Variants in CARD10 observed in about 807,000 individuals in gnomAD.
CARD10 encodes caspase recruitment domain family member 10.
In CARD10, 49 loss-of-function variants were observed where a neutral mutation model predicts 114.6. That is an observed-to-expected ratio of 0.43 (90% CI 0.34 to 0.54). The LOEUF (loss-of-function observed/expected upper bound fraction) is 0.54, where lower values mean the gene tolerates loss of function less well. Ranked by LOEUF, CARD10 falls within the 20% of genes least tolerant of loss-of-function variation. CARD10 has a pLI of 0.03. For synonymous variants in CARD10, 602 were observed against 593.2 expected (o/e 1.01, Z -0.21); for missense variants, 1,206 against 1,397.2 (o/e 0.86, Z 2.18).
At chr22:37,494,274 G>A (rs529096610) in intron 15 of CARD10, 86 bp from the exon 16 acceptor site, 24 of 873,372 alleles carry the variant, frequency 2.7e-5, no homozygotes, top group South Asian at 9.8e-5. Context: ...CTGGCACAGC[G>A]GGCCCCACTG....
rs1251632771 is a variant in CARD10 at position 37,496,764 on chromosome 22, C to G, written c.1948-204G>C. The G allele has an allele frequency of 3.2e-6, 2 of 630,240 alleles. No homozygotes were observed. The highest frequency in any genetic ancestry group is 5.6e-5 in the East Asian group (2 of 35,684). The allele number at this position is 630,240 out of a possible 1,614,324, so 39.0% of individuals were successfully genotyped here. A position where few individuals can be genotyped will look rare whatever the true frequency, so the allele number is the denominator to read the frequency against. On this transcript the variant is annotated intron_variant, in intron 12 of 19. Coordinates refer to ENST00000251973, the MANE Select transcript of CARD10 (RefSeq NM_014550.4). This position sits in a 1 kb window ranked among gnomAD's most constrained non-coding sequence, Gnocchi z 4.1. The stretch of plus-strand genomic sequence containing the variant: ...CCACAGGACTCCCCAACCCGCCCAG[C>G]TCATCCAGGTCTTTCTCGACTTGAA...
chr22:37,513,577 A>C (rs1923735141), intron 3 of CARD10, among the ~76,000 whole-genome samples: 1 of 151,162 alleles, frequency 6.6e-6, no homozygotes, highest in Admixed American at 6.6e-5. Context: ...ATCGCATCAC[A>C]CCCAACCCAA....
rs368566607 is a variant in CARD10 at position 37,492,821 on chromosome 22, G to A, written c.2477-19C>T. On this transcript the variant is annotated intron_variant, in intron 16 of 19. Coordinates refer to ENST00000251973, the MANE Select transcript of CARD10 (RefSeq NM_014550.4). This position sits in a 1 kb window ranked among gnomAD's most constrained non-coding sequence, Gnocchi z 5.7. ...TCCGGCTCTGTGGCAGGGGAGGGGC[G>A]CAAAAGAGATAAGGGCACAGGCAGG... is the stretch of plus-strand genomic sequence containing the variant. 1.0e-4 allele frequency: 160 copies of A among 1,605,000 alleles called. No individual in the cohort carries two copies. Among genetic ancestry groups the A allele is most frequent in the Non-Finnish European group, 1.2e-4 (139 of 1,178,130 alleles).
chr22:37,506,258 G>C lies in CARD10; in HGVS notation c.1317C>G (p.Ser439Arg). Residue 439 changes from serine (S) to arginine (R), a missense_variant, in exon 7 of 20, where the codon AGC (serine) becomes AGG (arginine). Physicochemically the swap from Ser to Arg is moderately radical, Grantham distance 110. Around this residue, in one of 2 missense-constraint regions of CARD10, gnomAD observed 1,068 missense variants for 1,179.1 expected, o/e 0.91. Transcript: ENST00000251973. ...ERDELLTTLT[S>R]LEGTKALLEV... ...CCAGCAGAGCCTTGGTGCCCTCCAG[G>C]CTGGTGAGCGTTGTCAGCAGCTCAT... 6.2e-7 allele frequency: 1 copy of C among 1,609,246 alleles called. No individual in the cohort carries two copies.
chr22:37,496,962 T>A lies in CARD10; in HGVS notation c.1947+57A>T, dbSNP rs1053264719. 6.6e-7 allele frequency: 1 copy of A among 1,519,328 alleles called. No individual in the cohort carries two copies. The highest frequency in any genetic ancestry group is 1.4e-5 in the African/African-American group (1 of 71,954). 94.1% of individuals were successfully genotyped at this position (1,519,328 alleles called of 1,614,324 possible). ...TCTTGATCCACCAAATTAAGGGATG[T>A]CCAGCCTGGGCAAAAGCACTGACCC... On this transcript the variant is annotated intron_variant, in intron 12 of 19. Coordinates refer to ENST00000251973, the MANE Select transcript of CARD10 (RefSeq NM_014550.4). The surrounding 1 kb of genome is among the most constrained non-coding windows in gnomAD (Gnocchi z 4.1).
At chr22:37,502,157 G>A (rs1261703082) in intron 11 of CARD10, among the ~76,000 whole-genome samples, 12 of 152,216 alleles carry the variant, frequency 7.9e-5, no homozygotes, top group African/African-American at 2.2e-4. Flanking sequence ...GGGCTCCTGA[G>A]GTGACCCAAG....
intron 3 of CARD10, among the ~76,000 whole-genome samples, chr22:37,515,626 C>T (rs1027303884): frequency 1.3e-5 from 2 of 151,846 alleles, no homozygotes; most frequent in Non-Finnish European, 2.9e-5. Context: ...TTGGCCCCGG[C>T]CCTACCGATG....
rs1334002130 is a variant in CARD10, at chr22:37,507,900, A to G, written c.1120T>C (p.Cys374Arg). The change falls in exon 6 of 20, where the codon TGT becomes CGT. Residue 374 changes from cysteine (C) to arginine (R), a missense_variant. Coordinates refer to ENST00000251973, the MANE Select transcript of CARD10 (RefSeq NM_014550.4). Reference sequence around the variant, plus strand: ...GCCATGCGGTGCTTGTACAGGTCACAGTCCTTCTGCAGCGTGCGGTGCTTG... The same window carrying G: ...GCCATGCGGTGCTTGTACAGGTCACGGTCCTTCTGCAGCGTGCGGTGCTTG... ...RLKHRTLQKD[C>R]DLYKHRMATV... The G allele has an allele frequency of 3.1e-6, 5 of 1,614,144 alleles. No homozygotes were observed. The highest frequency in any genetic ancestry group is 4.2e-6 in the Non-Finnish European group (5 of 1,179,978).
chr22:37,510,453 G>C, intron 3 of CARD10, 32 bp from the exon 4 acceptor site: 3 of 1,600,062 alleles, frequency 1.9e-6, no homozygotes, highest in Non-Finnish European at 2.6e-6. Flanking sequence ...AGCCCAGAGG[G>C]AGACACACTG....
rs113749691 is a variant in CARD10 at position 37,517,894 on chromosome 22, G to A, written c.373+77C>T. On this transcript the variant is annotated intron_variant, in intron 2 of 19. Coordinates refer to ENST00000251973, the MANE Select transcript of CARD10 (RefSeq NM_014550.4). ...ACTGTTCAACAGGCATAGTGGGAGC[G>A]CCTCCCTAACAGGGATGGGGAAAGG... 8.8e-5 allele frequency: 134 copies of A among 1,529,612 alleles called. No homozygotes were observed. In the African/African-American group the frequency reaches 1.3e-3, roughly 14 times the overall value. 94.8% of individuals were successfully genotyped at this position (1,529,612 alleles called of 1,614,324 possible). A position where few individuals can be genotyped will look rare whatever the true frequency, so the allele number is the denominator to read the frequency against.
In CARD10 at chr22:37,508,672, C is replaced by T. The variant is rs368309693; in HGVS notation, c.920G>A (p.Arg307Gln). The change falls in exon 5 of 20, where the codon CGG (arginine) becomes CAG (glutamine). Residue 307 changes from arginine to glutamine, a missense_variant. Physicochemically the swap from Arg to Gln is conservative, Grantham distance 43. Transcript: ENST00000251973. ...LQEGLQQEAS[R>Q]PGAPGSERIL... is the part of the protein sequence containing the mutation. ...GCGCTCGGAGCCCGGGGCCCCCGGCCGGCTCGCCTCCTGGGGATCACAGGG... is the reference window on the plus strand; with the variant it reads ...GCGCTCGGAGCCCGGGGCCCCCGGCTGGCTCGCCTCCTGGGGATCACAGGG... 72 of 1,563,640 alleles carry T rather than the reference C, an allele frequency of 4.6e-5. No homozygotes were observed. The highest frequency in any genetic ancestry group is 3.5e-4 in the East Asian group (15 of 42,562).
intron 15 of CARD10, among the ~76,000 whole-genome samples, chr22:37,494,813 G>A (rs1431565650): frequency 1.3e-5 from 2 of 152,224 alleles, no homozygotes; most frequent in Non-Finnish European, 2.9e-5. Flanking sequence ...TGGCAGAGCT[G>A]GGGTCGAATG....
In CARD10 at chr22:37,496,425, C is replaced by T. The variant is rs1189303815; in HGVS notation, c.2059+24G>A. 1 of 1,565,904 alleles carries T rather than the reference C, an allele frequency of 6.4e-7. No individual in the cohort carries two copies. The highest frequency in any genetic ancestry group is 1.4e-5 in the African/African-American group (1 of 73,780). The stretch of plus-strand genomic sequence containing the variant: ...TAGAGGACCCCTCTGGGGCCAACAG[C>T]TCCGACTCCCAAGCCAGACTTACCC... On this transcript the variant is annotated intron_variant, in intron 13 of 19. Coordinates refer to ENST00000251973, the MANE Select transcript of CARD10 (RefSeq NM_014550.4). The surrounding 1 kb of genome is among the most constrained non-coding windows in gnomAD (Gnocchi z 4.1).
At chr22:37,508,059 G>C in intron 5 of CARD10, 105 bp from the exon 6 acceptor site, 1 of 1,401,236 alleles carries the variant, frequency 7.1e-7, no homozygotes, top group Non-Finnish European at 9.9e-7. Flanking sequence ...CCAACAGTCT[G>C]AGACCCAATA....
chr22:37,496,309 T>C lies in CARD10; in HGVS notation c.2059+140A>G. ...GCACAAGGACAGACAGAAGGAGGCA[T>C]CAGCAGGCGGGGAGCCAGGAGAAGG... On this transcript the variant is annotated intron_variant, in intron 13 of 19. Coordinates refer to ENST00000251973, the MANE Select transcript of CARD10 (RefSeq NM_014550.4). This position sits in a 1 kb window ranked among gnomAD's most constrained non-coding sequence, Gnocchi z 4.1. 1 of 648,042 alleles carries C rather than the reference T, an allele frequency of 1.5e-6. No individual in the cohort carries two copies. The allele number at this position is 648,042 out of a possible 1,614,324, so 40.1% of individuals were successfully genotyped here. A position where few individuals can be genotyped will look rare whatever the true frequency, so the allele number is the denominator to read the frequency against.
At position 37,496,445 on chromosome 22, in the gene CARD10, T is replaced by A; in HGVS notation, c.2059+4A>T. The A allele has an allele frequency of 6.2e-7, 1 of 1,603,328 alleles. No individual in the cohort carries two copies. The highest frequency in any genetic ancestry group is 8.5e-7 in the Non-Finnish European group (1 of 1,170,982). ...AACAGCTCCGACTCCCAAGCCAGACTTACCCTTCGAGTCCATCAGGGAGGG... is the reference window on the plus strand; with the variant it reads ...AACAGCTCCGACTCCCAAGCCAGACATACCCTTCGAGTCCATCAGGGAGGG... On this transcript the variant is annotated splice_donor_region_variant and intron_variant, in intron 13 of 19. Coordinates refer to ENST00000251973, the MANE Select transcript of CARD10 (RefSeq NM_014550.4). This position sits in a 1 kb window ranked among gnomAD's most constrained non-coding sequence, Gnocchi z 4.1.
chr22:37,496,923 G>A lies in CARD10; in HGVS notation c.1947+96C>T. The A allele has an allele frequency of 7.2e-7, 1 of 1,391,676 alleles. No individual in the cohort carries two copies. The highest frequency in any genetic ancestry group is 9.8e-7 in the Non-Finnish European group (1 of 1,025,438). The allele number at this position is 1,391,676 out of a possible 1,614,324, so 86.2% of individuals were successfully genotyped here. A position where few individuals can be genotyped will look rare whatever the true frequency, so the allele number is the denominator to read the frequency against. On this transcript the variant is annotated intron_variant, in intron 12 of 19. Coordinates refer to ENST00000251973, the MANE Select transcript of CARD10 (RefSeq NM_014550.4). The surrounding 1 kb of genome is among the most constrained non-coding windows in gnomAD (Gnocchi z 4.1). The stretch of plus-strand genomic sequence containing the variant: ...CTTCGGCTTTGACCAATCCCCAGAA[G>A]CTCTGCCCGGTGATCTTGATCCACC...
chr22:37,491,849 G>T lies in CARD10; in HGVS notation c.2770C>A (p.Leu924Met), dbSNP rs1922814371. The T allele has an allele frequency of 6.3e-7, 1 of 1,579,358 alleles. No homozygotes were observed. Among genetic ancestry groups the T allele is most frequent in the African/African-American group, 1.4e-5 (1 of 73,440 alleles). Reference protein sequence around the residue: ...SVGKKHCLLELGARGVRELVQ... With the variant: ...SVGKKHCLLEMGARGVRELVQ... ...AGCTCCCGCACACCCCGAGCACCCA[G>T]CTCCAGCAGGCAGTGCTTCTGCTTG... The change falls in exon 19 of 20, where the codon CTG becomes ATG. Residue 924 changes from leucine to methionine, a missense_variant. Physicochemically the swap from Leu to Met is conservative, Grantham distance 15. Transcript: ENST00000251973.
rs1463510006 is a variant in CARD10, at chr22:37,519,309, G to C, written c.-109C>G. ...CCGGGGCGTCGTCCGCAGACCCGCCGTCGGGGGCGCGCCCCGAGCTCCCCG... is the reference window on the plus strand; with the variant it reads ...CCGGGGCGTCGTCCGCAGACCCGCCCTCGGGGGCGCGCCCCGAGCTCCCCG... On this transcript the variant is annotated 5_prime_UTR_variant, in exon 1 of 20. Transcript: ENST00000251973. The surrounding 1 kb of genome is among the most constrained non-coding windows in gnomAD (Gnocchi z 4.1). 8 of 1,340,946 alleles carry C rather than the reference G, an allele frequency of 6.0e-6. No homozygotes were observed. Among genetic ancestry groups the C allele is most frequent in the Non-Finnish European group, 7.6e-6 (8 of 1,049,306 alleles). 83.1% of individuals were successfully genotyped at this position (1,340,946 alleles called of 1,614,324 possible).
Sources: gnomAD v4.1 joint callset for allele counts (sites outside exome capture counted in the v4.1 genomes callset) on GRCh38, gnomAD v4.1.1 for gene constraint, gnomAD v4.1.1 regional missense constraint, Gnocchi (gnomAD v3.1) non-coding constraint, MANE v1.5 for transcripts, NCBI Gene and HGNC (gene_info 2026-07-23, HGNC 2026-07-21) for gene names.